Variants in SLC25A13 observed in about 807,000 individuals in gnomAD.
SLC25A13 encodes solute carrier family 25 member 13, also known as electrogenic aspartate/glutamate antiporter SLC25A13, mitochondrial.
SLC25A13 carries 70 observed loss-of-function variants against 85.5 expected under a neutral mutation model. The observed-to-expected ratio is 0.82, with a 90% CI of 0.68 to 1.00. The LOEUF (loss-of-function observed/expected upper bound fraction) is 1.00, where lower values mean the gene tolerates loss of function less well. Among genes scored for constraint, SLC25A13 ranks in the 50% least tolerant of loss-of-function variants. The pLI is 0.00. For missense variants in SLC25A13, 765 were observed against 819.8 expected (o/e 0.93, Z 0.82); for synonymous variants, 259 against 288.7 (o/e 0.90, Z 1.04).
chr7:96,317,805 A>ATTTTT (rs67556510), intron 1 of SLC25A13, among the ~76,000 whole-genome samples: 2 of 144,174 alleles, frequency 1.4e-5, no homozygotes, highest in Non-Finnish European at 1.5e-5. Context: ...ATTTTACTTT[A>ATTTTT]TTTTATTTTT....
chr7:96,294,183 A>G (rs1245992121), intron 2 of SLC25A13, among the ~76,000 whole-genome samples: 1 of 152,078 alleles, frequency 6.6e-6, no homozygotes. Flanking sequence ...CGCAAGAACA[A>G]AAAAACAAAC....
chr7:96,221,487 A>G (rs1157250473), intron 4 of SLC25A13, among the ~76,000 whole-genome samples: 1 of 152,180 alleles, frequency 6.6e-6, no homozygotes, highest in African/African-American at 2.4e-5. Context: ...ACTTTCCCCA[A>G]GTAACGTTTC....
intron 3 of SLC25A13, among the ~76,000 whole-genome samples, chr7:96,255,165 C>T (rs1797584640): frequency 6.6e-6 from 1 of 152,170 alleles, no homozygotes; most frequent in South Asian, 2.1e-4. Flanking sequence ...AAATCTTAAA[C>T]TTCATTCAGT....
chr7:96,121,150 A>C lies in SLC25A13; in HGVS notation c.*41T>G, dbSNP rs778438712. The C allele has an allele frequency of 6.3e-6, 10 of 1,599,546 alleles. No homozygotes were observed. Among genetic ancestry groups the C allele is most frequent in the Admixed American group, 3.3e-5 (2 of 59,990 alleles). ...TCCCAGGAGGGATGTTCTTTACTGC[A>C]GTACCCACAAAAAGACAGCACTATC... On this transcript the variant is annotated 3_prime_UTR_variant, in exon 18 of 18. Transcript: ENST00000265631.
At position 96,121,397 on chromosome 7, in the gene SLC25A13, A is replaced by G. The variant is rs1262923320; in HGVS notation, c.1842-20T>C. The stretch of plus-strand genomic sequence containing the variant: ...GGTTTTCTAAAAGAAGAGAAAACAG[A>G]GTAAGAAGCTGTATTTTTTGTTTGT... On this transcript the variant is annotated intron_variant, in intron 17 of 17. Coordinates refer to ENST00000265631, the MANE Select transcript of SLC25A13 (RefSeq NM_014251.3). The G allele has an allele frequency of 6.2e-7, 1 of 1,613,438 alleles. No individual in the cohort carries two copies. The highest frequency in any genetic ancestry group is 2.2e-5 in the East Asian group (1 of 44,884).
In SLC25A13 at chr7:96,121,654, C is replaced by T. The variant is rs766044536; in HGVS notation, c.1841+1G>A. 1.2e-6 allele frequency: 2 copies of T among 1,614,078 alleles called. No homozygotes were observed. Among genetic ancestry groups the T allele is most frequent in the South Asian group, 1.1e-5 (1 of 91,082 alleles). On this transcript the variant is annotated splice_donor_variant, in intron 17 of 17. Transcript: ENST00000265631. LOFTEE classifies it high-confidence loss of function. Reference sequence around the variant, plus strand: ...AGCAGCAGATTTAGCATGATACTTACACTCCTCCAAAATCAATGTAGAACC... The same window carrying T: ...AGCAGCAGATTTAGCATGATACTTATACTCCTCCAAAATCAATGTAGAACC...
chr7:96,144,920 C>G (rs889089313), intron 14 of SLC25A13, among the ~76,000 whole-genome samples: 1 of 152,088 alleles, frequency 6.6e-6, no homozygotes, highest in African/African-American at 2.4e-5. Flanking sequence ...ACCAGACAAC[C>G]CATTGAAAGA....
chr7:96,284,386 T>C (rs528033884), intron 2 of SLC25A13, among the ~76,000 whole-genome samples: 9 of 152,342 alleles, frequency 5.9e-5, no homozygotes, highest in African/African-American at 2.2e-4. Flanking sequence ...ATTAACTGTT[T>C]TTCAAAATTT....
chr7:96,184,418 C>T lies in SLC25A13; in HGVS notation c.1036G>A (p.Val346Met), dbSNP rs1293035262. 4.3e-6 allele frequency: 7 copies of T among 1,614,132 alleles called. No individual in the cohort carries two copies. The highest frequency in any genetic ancestry group is 5.1e-6 in the Non-Finnish European group (6 of 1,180,016). The change falls in exon 11 of 18, where the codon GTG becomes ATG. Residue 346 changes from valine to methionine, a missense_variant. Coordinates refer to ENST00000265631, the MANE Select transcript of SLC25A13 (RefSeq NM_014251.3). The part of the protein sequence containing the change: ...SVAGAVGATA[V>M]YPIDLVKTRM... ...GTTTTTACAAGATCGATAGGATACA[C>T]AGCAGTGGCTCCAACAGCTAAAATT...
intron 4 of SLC25A13, among the ~76,000 whole-genome samples, chr7:96,233,430 T>C (rs1452060815): frequency 6.6e-6 from 1 of 152,218 alleles, no homozygotes; most frequent in Non-Finnish European, 1.5e-5. Context: ...ATAAATTTCT[T>C]CTGAGGATCT....
chr7:96,257,315 T>C (rs1797677302), intron 3 of SLC25A13, among the ~76,000 whole-genome samples: 1 of 151,890 alleles, frequency 6.6e-6, no homozygotes. Context: ...GATAGACCAC[T>C]AGCCAGACTA....
intron 7 of SLC25A13, among the ~76,000 whole-genome samples, chr7:96,189,995 C>A (rs1017082413): frequency 1.3e-5 from 2 of 151,552 alleles, no homozygotes; most frequent in Non-Finnish European, 2.9e-5. Flanking sequence ...TTATATTAAT[C>A]TAATTAACTG....
intron 1 of SLC25A13, among the ~76,000 whole-genome samples, chr7:96,312,474 C>T (rs1001183003): frequency 4.6e-5 from 7 of 152,168 alleles, no homozygotes; most frequent in Non-Finnish European, 8.8e-5. Flanking sequence ...GTTATCAACA[C>T]GTTCCCTGCT....
At chr7:96,201,505 C>A (rs1331798103) in intron 5 of SLC25A13, among the ~76,000 whole-genome samples, 1 of 65,042 alleles carries the variant, frequency 1.5e-5, no homozygotes, top group Non-Finnish European at 3.1e-5. Context: ...GAGTGAGACT[C>A]TGTCTCAAAA....
chr7:96,140,950 G>A (rs1327844827), intron 14 of SLC25A13, among the ~76,000 whole-genome samples: 4 of 150,936 alleles, frequency 2.7e-5, no homozygotes, highest in South Asian at 4.2e-4. Flanking sequence ...TTTAAAATCA[G>A]CTTCTTTTTC....
At chr7:96,288,004 C>T (rs893548052) in intron 2 of SLC25A13, among the ~76,000 whole-genome samples, 1 of 152,208 alleles carries the variant, frequency 6.6e-6, no homozygotes, top group Admixed American at 6.5e-5. Flanking sequence ...CTCTGGTTCT[C>T]TCATACAGAC....
Position 96,218,938 on chromosome 7 carries a change from C to T in SLC25A13, c.329-9961G>A, listed in dbSNP as rs1024577661. 7.9e-5 allele frequency among the ~76,000 whole-genome samples: 12 copies of T among 152,164 alleles called. No individual in the cohort carries two copies. In the South Asian group the frequency reaches 8.3e-4, roughly 10 times the overall value. ...TGATATGGTTAACAACCAGCTTCTACGGCCATCATCTTTTAAGCAGGGAGC... is the reference window on the plus strand; with the variant it reads ...TGATATGGTTAACAACCAGCTTCTATGGCCATCATCTTTTAAGCAGGGAGC... On this transcript the variant is annotated intron_variant, in intron 4 of 17. Transcript: ENST00000265631.
intron 4 of SLC25A13, among the ~76,000 whole-genome samples, chr7:96,209,401 T>C (rs1463739871): frequency 1.5e-5 from 2 of 135,860 alleles, no homozygotes; most frequent in Non-Finnish European, 3.1e-5. Flanking sequence ...AAGCGTTACA[T>C]ATAGCCTTTA....
At chr7:96,252,382 T>C (rs1484159981) in intron 3 of SLC25A13, among the ~76,000 whole-genome samples, 1 of 152,088 alleles carries the variant, frequency 6.6e-6, no homozygotes, top group African/African-American at 2.4e-5. Flanking sequence ...CAAGACAGAA[T>C]CTACTGAGCA....
Sources: allele counts gnomAD v4.1 joint callset (sites outside exome capture counted in the v4.1 genomes callset), GRCh38; gene constraint gnomAD v4.1.1; transcripts MANE v1.5; gene names NCBI Gene and HGNC (gene_info 2026-07-23, HGNC 2026-07-21).